Variants in UBR3 observed in about 807,000 individuals in gnomAD.
UBR3 encodes ubiquitin protein ligase E3 component n-recognin 3, also known as E3 ubiquitin-protein ligase UBR3.
A neutral mutation model predicts 243.2 loss-of-function variants in UBR3; 85 were observed. The observed-to-expected ratio is 0.35, with a 90% CI of 0.29 to 0.42. The LOEUF (loss-of-function observed/expected upper bound fraction) is 0.42, where lower values mean the gene tolerates loss of function less well. UBR3 is among the 10% of genes least tolerant of loss of function. The probability of loss-of-function intolerance (pLI) is 1.00; values close to 1 mark genes in which losing one functional copy is unlikely to be tolerated. For missense variants in UBR3, 1,686 were observed against 2,300.8 expected (o/e 0.73, Z 5.47); for synonymous variants, 748 against 799.8 (o/e 0.94, Z 1.09).
chr2:169,840,179 G>A (rs1177233624), intron 1 of UBR3, among the ~76,000 whole-genome samples: 1 of 152,058 alleles, frequency 6.6e-6, no homozygotes, highest in East Asian at 1.9e-4. Context: ...GCTTATTAAG[G>A]CCCACTGTTT....
intron 25 of UBR3, among the ~76,000 whole-genome samples, chr2:169,989,095 C>T (rs1050986433): frequency 3.3e-5 from 5 of 152,148 alleles, no homozygotes; most frequent in African/African-American, 9.6e-5. Flanking sequence ...AATTTTATTT[C>T]ATTTGTTCCC....
intron 33 of UBR3, among the ~76,000 whole-genome samples, chr2:170,056,871 A>G (rs917254173): frequency 6.6e-6 from 1 of 152,210 alleles, no homozygotes; most frequent in Non-Finnish European, 1.5e-5. Flanking sequence ...AAACCCAAGT[A>G]CAAGGCCAAT....
chr2:169,867,950 G>A (rs1156798528), intron 1 of UBR3, among the ~76,000 whole-genome samples: 4 of 151,816 alleles, frequency 2.6e-5, no homozygotes, highest in Non-Finnish European at 5.9e-5. Context: ...AAGATTTTTA[G>A]TTTTTTAGTA....
At chr2:169,938,413 A>G (rs553061416) in intron 19 of UBR3, among the ~76,000 whole-genome samples, 1 of 151,696 alleles carries the variant, frequency 6.6e-6, no homozygotes, top group South Asian at 2.1e-4. Context: ...GACATACGCC[A>G]TCACACATGG....
intron 1 of UBR3, among the ~76,000 whole-genome samples, chr2:169,847,097 G>A (rs914678079): frequency 9.6e-4 from 39 of 40,696 alleles, no homozygotes; most frequent in Admixed American, 8.0e-3. Context: ...GTGTGTGTGT[G>A]TGTGTGTGTG....
intron 28 of UBR3, among the ~76,000 whole-genome samples, chr2:170,007,771 G>A (rs1028394524): frequency 1.3e-5 from 2 of 152,144 alleles, no homozygotes; most frequent in South Asian, 4.2e-4. Flanking sequence ...GGCTGAGGCA[G>A]GAGAATTGCT....
At chr2:169,937,126 G>A (rs1298457808) in intron 19 of UBR3, among the ~76,000 whole-genome samples, 1 of 151,256 alleles carries the variant, frequency 6.6e-6, no homozygotes, top group Non-Finnish European at 1.5e-5. Context: ...GAACTAGTTA[G>A]TGTAAAAGTG....
At chr2:169,979,614 TTAAA>T (rs1160351882) in intron 24 of UBR3, among the ~76,000 whole-genome samples, 1 of 152,208 alleles carries the variant, frequency 6.6e-6, no homozygotes, top group Non-Finnish European at 1.5e-5. Context: ...TGGATGAATC[TTAAA>T]TACATACCGC....
chr2:170,080,829 A>G (rs1022402232), intron 38 of UBR3, 145 bp downstream of exon 38: 1 of 931,936 alleles, frequency 1.1e-6, no homozygotes, highest in Non-Finnish European at 1.6e-6. Flanking sequence ...CTAGTTTTTG[A>G]GCTATTGTCC....
intron 1 of UBR3, among the ~76,000 whole-genome samples, chr2:169,831,127 A>ATATTTTTT (rs1450878762): frequency 1.8e-5 from 1 of 56,464 alleles, no homozygotes; most frequent in African/African-American, 9.0e-5. Context: ...ATATATATAT[A>ATATTTTTT]TTTTTTTTTT....
At position 169,923,997 on chromosome 2, in the gene UBR3, A is replaced by G; in HGVS notation, c.1932+3A>G. ...ACTATGCTATGTTTTTGAGTAAGGT[A>G]AGACTGTCATTAAACAATTCTGTTC... On this transcript the variant is annotated splice_donor_region_variant and intron_variant, in intron 12 of 38. Transcript: ENST00000272793. 1 of 1,540,882 alleles carries G rather than the reference A, an allele frequency of 6.5e-7. No homozygotes were observed.
intron 27 of UBR3, among the ~76,000 whole-genome samples, chr2:170,003,130 C>T (rs2089774940): frequency 6.6e-6 from 1 of 152,132 alleles, no homozygotes; most frequent in African/African-American, 2.4e-5. Context: ...TATATTCTAC[C>T]TTCATTAATC....
intron 18 of UBR3, 50 bp from the exon 19 acceptor site, chr2:169,932,862 T>A (rs1045525209): frequency 6.5e-6 from 9 of 1,374,668 alleles, no homozygotes; most frequent in Non-Finnish European, 9.0e-6. Flanking sequence ...TCAATAAATA[T>A]TGATTTTATT....
intron 11 of UBR3, among the ~76,000 whole-genome samples, chr2:169,914,874 T>TG (rs2085398802): frequency 1.1e-4 from 14 of 126,950 alleles, no homozygotes; most frequent in African/African-American, 3.2e-4. Context: ...GTGTGTGTGT[T>TG]TTTTTTCCTT....
chr2:169,916,823 ACT>A (rs1286062787), intron 11 of UBR3, among the ~76,000 whole-genome samples: 1 of 150,742 alleles, frequency 6.6e-6, no homozygotes, highest in Non-Finnish European at 1.5e-5. Context: ...GTCCCCTCTG[ACT>A]CTGTCCACAT....
At chr2:170,073,400 T>C in intron 35 of UBR3, 28 bp from the exon 36 acceptor site, 1 of 1,610,962 alleles carries the variant, frequency 6.2e-7, no homozygotes, top group Non-Finnish European at 8.5e-7. Context: ...TGAAATATTT[T>C]CAGAATTTCC....
chr2:169,844,196 A>T (rs908902192), intron 1 of UBR3, among the ~76,000 whole-genome samples: 3 of 151,794 alleles, frequency 2.0e-5, no homozygotes, highest in Non-Finnish European at 2.9e-5. Context: ...TAGTAGAGAT[A>T]GGGTTTCACC....
At chr2:169,941,366 A>G (rs2086579522) in intron 19 of UBR3, among the ~76,000 whole-genome samples, 1 of 152,250 alleles carries the variant, frequency 6.6e-6, no homozygotes, top group Admixed American at 6.5e-5. Flanking sequence ...AATTAGAGAT[A>G]GTGAGAGATT....
chr2:169,888,917 CT>C (rs368350576), intron 5 of UBR3, among the ~76,000 whole-genome samples: 30 of 148,366 alleles, frequency 2.0e-4, no homozygotes, highest in East Asian at 1.2e-3. Context: ...AAACCAAAGA[CT>C]TTTTTTTTTG....
Sources: gnomAD v4.1 joint callset for allele counts (sites outside exome capture counted in the v4.1 genomes callset) on GRCh38, gnomAD v4.1.1 for gene constraint, MANE v1.5 for transcripts, NCBI Gene and HGNC (gene_info 2026-07-23, HGNC 2026-07-21) for gene names.